The following ASTN1 variants were observed in gnomAD, a reference collection of about 807,000 sequenced individuals.
ASTN1 encodes the protein astrotactin 1, also known as astrotactin-1.
Under a neutral mutation model 140.7 loss-of-function variants are expected in ASTN1, and 41 were observed. The observed-to-expected ratio is 0.29, with a 90% CI of 0.23 to 0.38. ASTN1 has a LOEUF of 0.38. ASTN1 is among the 10% of genes least tolerant of loss of function. The probability of loss-of-function intolerance (pLI) is 1.00; values close to 1 mark genes in which losing one functional copy is unlikely to be tolerated. For missense variants in ASTN1, 1,479 were observed against 1,678.8 expected, an observed-to-expected ratio of 0.88 and a Z score of 2.08; for synonymous variants, 640 against 652.2, an observed-to-expected ratio of 0.98 and a Z score of 0.29.
intron 20 of ASTN1, among the ~76,000 whole-genome samples, chr1:176,878,214 C>T (rs1668644148): frequency 6.6e-6 from 1 of 152,204 alleles, no homozygotes; most frequent in Non-Finnish European, 1.5e-5. Flanking sequence ...TGGCCTCCTG[C>T]AGGACTCCTG....
At chr1:177,042,547 T>C (rs1432721764) in intron 2 of ASTN1, among the ~76,000 whole-genome samples, 1 of 152,232 alleles carries the variant, frequency 6.6e-6, no homozygotes, top group East Asian at 1.9e-4. Context: ...ATTCCTAGAA[T>C]ACTGGTACAA....
At chr1:177,041,976 T>C (rs1317492084) in intron 2 of ASTN1, among the ~76,000 whole-genome samples, 2 of 152,198 alleles carry the variant, frequency 1.3e-5, no homozygotes, top group Non-Finnish European at 2.9e-5. Context: ...TTCCAGTGAC[T>C]TCAGATGTAA....
At chr1:176,925,703 T>G (rs1222269930) in intron 16 of ASTN1, among the ~76,000 whole-genome samples, 1 of 152,196 alleles carries the variant, frequency 6.6e-6, no homozygotes, top group Non-Finnish European at 1.5e-5. Context: ...TTATTTCTTA[T>G]TCTACCTCAT....
intron 1 of ASTN1, among the ~76,000 whole-genome samples, chr1:177,129,089 T>C (rs10798501): frequency 4.6e-5 from 7 of 152,044 alleles, no homozygotes; most frequent in African/African-American, 9.7e-5. Context: ...ACCAGACTGA[T>C]AGATGAAAGA....
At chr1:177,042,724 A>G (rs1677035224) in intron 2 of ASTN1, among the ~76,000 whole-genome samples, 1 of 152,276 alleles carries the variant, frequency 6.6e-6, no homozygotes, top group African/African-American at 2.4e-5. Context: ...TTTACATAGT[A>G]GTATGAGGCC....
chr1:176,937,526 C>T (rs865921167), intron 14 of ASTN1, among the ~76,000 whole-genome samples: 3 of 151,892 alleles, frequency 2.0e-5, no homozygotes, highest in Non-Finnish European at 4.4e-5. Context: ...AAGAGTGTCA[C>T]CCTGTTTGAA....
chr1:177,086,342 T>C (rs1679468577), intron 1 of ASTN1, among the ~76,000 whole-genome samples: 1 of 152,116 alleles, frequency 6.6e-6, no homozygotes, highest in Non-Finnish European at 1.5e-5. Flanking sequence ...GTGTTAGACA[T>C]AAACTCAAGT....
At chr1:176,939,066 C>G (rs1671573347) in intron 14 of ASTN1, among the ~76,000 whole-genome samples, 1 of 151,346 alleles carries the variant, frequency 6.6e-6, no homozygotes, top group Non-Finnish European at 1.5e-5. Flanking sequence ...GGGCTGAGCT[C>G]ACGCCATTGC....
rs543135041 is a variant in ASTN1 at position 177,114,410 on chromosome 1, G to A, written c.283+49984C>T. Among the ~76,000 whole-genome samples the A allele has an allele frequency of 7.9e-5, 12 of 151,094 alleles. No individual in the cohort carries two copies. In the South Asian group the frequency reaches 2.5e-3, roughly 31 times the overall value. On this transcript the variant is annotated intron_variant, in intron 1 of 22. Transcript: ENST00000361833. ...ATGGGCAATGGATTTCACATGACAT[G>A]AATGGTGCACATATATATATATATA...
Position 176,985,895 on chromosome 1 carries a change from C to G in ASTN1, c.1524-20658G>C, listed in dbSNP as rs1025178698. On this transcript the variant is annotated intron_variant, in intron 8 of 22. Coordinates refer to ENST00000361833, the MANE Select transcript of ASTN1 (RefSeq NM_004319.3). ...ACACACACACACACACACACACACA[C>G]AGACAGCCTTTTCCTCCCATCTAGG... Among the ~76,000 whole-genome samples, 85 of 138,634 alleles carry G rather than the reference C, an allele frequency of 6.1e-4. 1 individual carries two copies. In the Middle Eastern group the frequency reaches 0.011, roughly 18 times the overall value. 90.9% of individuals were successfully genotyped at this position (138,634 alleles called of 152,430 possible).
chr1:176,920,883 C>A (rs1390574058), intron 16 of ASTN1, among the ~76,000 whole-genome samples: 2 of 152,228 alleles, frequency 1.3e-5, no homozygotes, highest in Non-Finnish European at 2.9e-5. Flanking sequence ...CAAAGGAATT[C>A]ATAGATTTCC....
At chr1:177,126,568 C>G (rs574036330) in intron 1 of ASTN1, among the ~76,000 whole-genome samples, 1 of 152,168 alleles carries the variant, frequency 6.6e-6, no homozygotes, top group Non-Finnish European at 1.5e-5. Flanking sequence ...AGTGGATAAA[C>G]AGTTGCTCCT....
chr1:177,122,701 A>G (rs1681462451), intron 1 of ASTN1, among the ~76,000 whole-genome samples: 1 of 152,178 alleles, frequency 6.6e-6, no homozygotes, highest in South Asian at 2.1e-4. Context: ...CACAGTGGTC[A>G]GCGCTCTGTC....
At chr1:177,081,853 G>A (rs118052599) in intron 1 of ASTN1, among the ~76,000 whole-genome samples, 1 of 152,162 alleles carries the variant, frequency 6.6e-6, no homozygotes, top group African/African-American at 2.4e-5. Flanking sequence ...AGCTAAGAGT[G>A]GTTTAAGGGT....
chr1:176,987,057 A>C (rs1484253198), intron 8 of ASTN1, among the ~76,000 whole-genome samples: 2 of 152,118 alleles, frequency 1.3e-5, no homozygotes, highest in African/African-American at 4.8e-5. Context: ...GTGGGGTGCT[A>C]CATGTACACA....
At chr1:177,095,973 C>G (rs1680008408) in intron 1 of ASTN1, among the ~76,000 whole-genome samples, 2 of 152,160 alleles carry the variant, frequency 1.3e-5, no homozygotes, top group Admixed American at 6.5e-5. Flanking sequence ...GGTGGAACAT[C>G]AAGTCAGAAA....
At chr1:176,950,798 C>T (rs1413897578) in intron 11 of ASTN1, among the ~76,000 whole-genome samples, 1 of 151,986 alleles carries the variant, frequency 6.6e-6, no homozygotes, top group Admixed American at 6.6e-5. Flanking sequence ...ATACATATCG[C>T]CAACAAGTTA....
chr1:176,955,989 G>T (rs1379546602), intron 11 of ASTN1, among the ~76,000 whole-genome samples: 1 of 152,200 alleles, frequency 6.6e-6, no homozygotes, highest in Non-Finnish European at 1.5e-5. Flanking sequence ...TTTTTTAAAA[G>T]TGTCTCAGCT....
intron 8 of ASTN1, among the ~76,000 whole-genome samples, 187 bp from the exon 9 acceptor site, chr1:176,965,424 T>C (rs1434686576): frequency 6.6e-6 from 1 of 152,142 alleles, no homozygotes; most frequent in African/African-American, 2.4e-5. Flanking sequence ...AAGAACACGA[T>C]AAATGTAAAA....
Sources: allele counts gnomAD v4.1 joint callset (sites outside exome capture counted in the v4.1 genomes callset), GRCh38; gene constraint gnomAD v4.1.1; transcripts MANE v1.5; gene names NCBI Gene and HGNC (gene_info 2026-07-23, HGNC 2026-07-21).